The following HMGCLL1 variants were observed in gnomAD, a reference collection of about 807,000 sequenced individuals.
HMGCLL1 encodes the protein 3-hydroxy-3-methylglutaryl-CoA lyase like 1.
HMGCLL1 carries 36 observed loss-of-function variants against 39.1 expected under a neutral mutation model. That is an observed-to-expected ratio of 0.92 (90% CI 0.71 to 1.22). HMGCLL1 has a LOEUF of 1.22. Among genes scored for constraint, HMGCLL1 ranks in the 50% most tolerant of loss-of-function variants. The pLI is 0.00. For missense variants in HMGCLL1, 451 were observed against 416.5 expected (o/e 1.08, Z -0.72); for synonymous variants, 149 against 144.0 (o/e 1.03, Z -0.25).
chr6:55,537,221 C>T (rs2127453173), intron 3 of HMGCLL1, among the ~76,000 whole-genome samples: 1 of 152,188 alleles, frequency 6.6e-6, no homozygotes, highest in East Asian at 1.9e-4. Context: ...TCAATATTTG[C>T]CTTTGACAAA....
chr6:55,544,968 A>T (rs1200303817), intron 1 of HMGCLL1, among the ~76,000 whole-genome samples: 1 of 152,146 alleles, frequency 6.6e-6, no homozygotes. Context: ...AGATGCCTAT[A>T]ATTTCAACAG....
chr6:55,568,186 A>G (rs1007697080), intron 1 of HMGCLL1, among the ~76,000 whole-genome samples: 4 of 152,180 alleles, frequency 2.6e-5, no homozygotes, highest in African/African-American at 7.2e-5. Context: ...AAATATGGCT[A>G]TATCTGAGAG....
chr6:55,622,016 T>C, the HMGCLL1 span, among the ~76,000 whole-genome samples: 1 of 152,094 alleles, frequency 6.6e-6, no homozygotes, highest in African/African-American at 2.4e-5. Flanking sequence ...TATTCCTAGG[T>C]ATTTAATTTT....
intron 3 of HMGCLL1, among the ~76,000 whole-genome samples, chr6:55,540,434 A>G (rs1371884248): frequency 6.6e-6 from 1 of 152,088 alleles, no homozygotes; most frequent in Non-Finnish European, 1.5e-5. Flanking sequence ...TAGTAACATG[A>G]TAAGGAGAGA....
At chr6:55,640,114 G>C in the HMGCLL1 span, among the ~76,000 whole-genome samples, 4 of 151,910 alleles carry the variant, frequency 2.6e-5, no homozygotes, top group African/African-American at 9.7e-5. Context: ...AAGAAAAAGG[G>C]AAAGAAGAAG....
rs747408395 is a variant in HMGCLL1, at chr6:55,495,593, C to A, written c.621G>T (p.Leu207Phe). Residue 207 changes from leucine to phenylalanine, a missense_variant, in exon 7 of 9, where the codon TTG becomes TTT. Coordinates refer to ENST00000274901, the MANE Select transcript of HMGCLL1 (RefSeq NM_001042406.2). ...AGATCTCATAACAACCCATGCCGTA[C>A]AATCTCTTAGACACCTGTTGATAAA... ...PQKVTEVSKRLYGMGCYEISL... is the reference protein window; with the variant it reads ...PQKVTEVSKRFYGMGCYEISL... 6.2e-6 allele frequency: 10 copies of A among 1,608,462 alleles called. No homozygotes were observed. Among genetic ancestry groups the A allele is most frequent in the Admixed American group, 1.7e-5 (1 of 59,066 alleles).
At chr6:55,605,083 T>C in the HMGCLL1 span, among the ~76,000 whole-genome samples, 2 of 152,190 alleles carry the variant, frequency 1.3e-5, no homozygotes, top group Non-Finnish European at 2.9e-5. Flanking sequence ...AGAAAGGCAC[T>C]GGGAAGGCAG....
the HMGCLL1 span, among the ~76,000 whole-genome samples, chr6:55,595,385 T>A: frequency 1.3e-5 from 2 of 152,336 alleles, no homozygotes; most frequent in East Asian, 3.9e-4. Flanking sequence ...TGTTAATATG[T>A]CCACTCCAAG....
At chr6:55,532,463 T>C (rs557334362) in intron 3 of HMGCLL1, among the ~76,000 whole-genome samples, 13 of 152,170 alleles carry the variant, frequency 8.5e-5, no homozygotes, top group African/African-American at 2.9e-4. Context: ...AACAAATATT[T>C]TCCCCCATTT....
the HMGCLL1 span, among the ~76,000 whole-genome samples, chr6:55,595,045 C>A: frequency 6.6e-6 from 1 of 152,188 alleles, no homozygotes; most frequent in African/African-American, 2.4e-5. Context: ...ATGACAATTT[C>A]TTGGAAAAAT....
the HMGCLL1 span, among the ~76,000 whole-genome samples, chr6:55,636,047 A>G: frequency 6.6e-6 from 1 of 152,074 alleles, no homozygotes; most frequent in Non-Finnish European, 1.5e-5. Flanking sequence ...AAACACTGAA[A>G]ATATCAGTCT....
At chr6:55,558,201 G>T (rs1430943829) in intron 1 of HMGCLL1, among the ~76,000 whole-genome samples, 1 of 152,112 alleles carries the variant, frequency 6.6e-6, no homozygotes, top group Non-Finnish European at 1.5e-5. Flanking sequence ...CCCTACTAAG[G>T]TTAATTTTTC....
the HMGCLL1 span, among the ~76,000 whole-genome samples, chr6:55,639,574 G>T: frequency 6.6e-6 from 1 of 151,900 alleles, no homozygotes; most frequent in South Asian, 2.1e-4. Context: ...CATAAAGACA[G>T]GCAGTGCTGG....
At chr6:55,653,001 A>G in the HMGCLL1 span, among the ~76,000 whole-genome samples, 1 of 152,084 alleles carries the variant, frequency 6.6e-6, no homozygotes, top group Non-Finnish European at 1.5e-5. Flanking sequence ...TTAAATAATT[A>G]TGGCTTGATT....
intron 5 of HMGCLL1, among the ~76,000 whole-genome samples, chr6:55,506,018 A>G (rs1414905324): frequency 2.0e-5 from 3 of 151,700 alleles, no homozygotes; most frequent in Non-Finnish European, 1.5e-5. Context: ...AATAGGTTGC[A>G]GAATACAAAT....
the HMGCLL1 span, among the ~76,000 whole-genome samples, chr6:55,603,663 C>G: frequency 6.6e-6 from 1 of 152,088 alleles, no homozygotes; most frequent in South Asian, 2.1e-4. Flanking sequence ...TAGTATCTTT[C>G]CTATGGCCCA....
the HMGCLL1 span, among the ~76,000 whole-genome samples, chr6:55,674,807 T>G: frequency 6.6e-6 from 1 of 152,014 alleles, no homozygotes; most frequent in Admixed American, 6.6e-5. Flanking sequence ...AAGAGCATGA[T>G]GTCCAACAGC....
chr6:55,593,847 G>A, the HMGCLL1 span, among the ~76,000 whole-genome samples: 2 of 151,934 alleles, frequency 1.3e-5, no homozygotes, highest in Non-Finnish European at 2.9e-5. Flanking sequence ...TTAATATCCC[G>A]ATTTTGGAAG....
chr6:55,673,355 A>G, the HMGCLL1 span, among the ~76,000 whole-genome samples: 1 of 151,998 alleles, frequency 6.6e-6, no homozygotes, highest in Non-Finnish European at 1.5e-5. Flanking sequence ...CTGAGCCTGT[A>G]CTATGTATTT....
Sources: allele counts gnomAD v4.1 joint callset (sites outside exome capture counted in the v4.1 genomes callset), GRCh38; gene constraint gnomAD v4.1.1; transcripts MANE v1.5; gene names NCBI Gene and HGNC (gene_info 2026-07-23, HGNC 2026-07-21).